Variants in SUCLG2 observed in about 807,000 individuals in gnomAD.
SUCLG2 encodes the protein succinate--CoA ligase [GDP-forming] subunit beta, mitochondrial.
A neutral mutation model predicts 47.9 loss-of-function variants in SUCLG2; 42 were observed. The observed-to-expected ratio is 0.88, with a 90% CI of 0.69 to 1.14. The LOEUF (loss-of-function observed/expected upper bound fraction) is 1.14. SUCLG2 is among the 50% of genes most tolerant of loss of function. The pLI, the probability that SUCLG2 is intolerant of heterozygous loss-of-function variation, is 0.00. For synonymous variants in SUCLG2, 195 were observed against 197.3 expected, an observed-to-expected ratio of 0.99 and a Z score of 0.10; for missense variants, 571 against 525.9, an observed-to-expected ratio of 1.09 and a Z score of -0.84.
intron 6 of SUCLG2, among the ~76,000 whole-genome samples, chr3:67,509,155 T>C (rs557607044): frequency 9.6e-4 from 146 of 152,354 alleles, no homozygotes; most frequent in Admixed American, 1.4e-3. Context: ...GCCTAAAACG[T>C]TGTTAATCTT....
chr3:67,414,384 G>A (rs1276762376), intron 9 of SUCLG2, among the ~76,000 whole-genome samples: 1 of 152,152 alleles, frequency 6.6e-6, no homozygotes, highest in Non-Finnish European at 1.5e-5. Flanking sequence ...TGATGTTGGG[G>A]GTACTTCTTA....
In SUCLG2 at chr3:67,388,934, A is replaced by G. The variant is rs571358418; in HGVS notation, c.1183+11797T>C. Among the ~76,000 whole-genome samples, 5 of 152,306 alleles carry G rather than the reference A, an allele frequency of 3.3e-5. 1 individual carries two copies. Among genetic ancestry groups the G allele is most frequent in the African/African-American group, 1.2e-4 (5 of 41,558 alleles). On this transcript the variant is annotated intron_variant, in intron 10 of 10. Coordinates refer to ENST00000307227, the MANE Select transcript of SUCLG2 (RefSeq NM_003848.4). The stretch of plus-strand genomic sequence containing the variant: ...GTAGAGGATCAGAAGTCAGTCATCA[A>G]GTAAGTCATCATCCATACCTGAGAG...
chr3:67,438,681 A>C (rs1703683784), intron 9 of SUCLG2, among the ~76,000 whole-genome samples: 1 of 152,204 alleles, frequency 6.6e-6, no homozygotes, highest in African/African-American at 2.4e-5. Flanking sequence ...CCCAAGACTA[A>C]AGCAGGAAGA....
At chr3:67,361,294 A>G (rs1242330163) in intron 10 of SUCLG2, among the ~76,000 whole-genome samples, 1 of 152,228 alleles carries the variant, frequency 6.6e-6, no homozygotes, top group Non-Finnish European at 1.5e-5. Flanking sequence ...TCAAAGGAGT[A>G]GTTGACAGCT....
intron 1 of SUCLG2, among the ~76,000 whole-genome samples, chr3:67,635,922 T>C (rs1489609978): frequency 2.0e-5 from 3 of 152,182 alleles, no homozygotes; most frequent in African/African-American, 7.2e-5. Flanking sequence ...TTGTTTTATA[T>C]TTTCTCCAAA....
chr3:67,599,732 A>G (rs958203569), intron 2 of SUCLG2, among the ~76,000 whole-genome samples: 4 of 152,182 alleles, frequency 2.6e-5, no homozygotes, highest in African/African-American at 9.6e-5. Flanking sequence ...AAAAAAAAAA[A>G]AACTCTAATA....
chr3:67,592,301 T>C (rs180752521), intron 2 of SUCLG2, among the ~76,000 whole-genome samples: 1 of 152,324 alleles, frequency 6.6e-6, no homozygotes, highest in African/African-American at 2.4e-5. Flanking sequence ...GTGTTCATCA[T>C]TATCACATTC....
chr3:67,606,640 G>C (rs1217273447), intron 2 of SUCLG2, among the ~76,000 whole-genome samples: 1 of 152,080 alleles, frequency 6.6e-6, no homozygotes, highest in Non-Finnish European at 1.5e-5. Context: ...TCTCATCCAG[G>C]TTTAGATCTT....
chr3:67,634,810 G>C (rs1700981424), intron 1 of SUCLG2, among the ~76,000 whole-genome samples: 1 of 152,178 alleles, frequency 6.6e-6, no homozygotes, highest in African/African-American at 2.4e-5. Flanking sequence ...CTGAAACTCA[G>C]TGCAGACAAT....
At chr3:67,458,054 G>C (rs1704232949) in intron 9 of SUCLG2, among the ~76,000 whole-genome samples, 1 of 152,098 alleles carries the variant, frequency 6.6e-6, no homozygotes, top group African/African-American at 2.4e-5. Flanking sequence ...TTACTTTGCT[G>C]AAGGGGCCCT....
intron 9 of SUCLG2, among the ~76,000 whole-genome samples, chr3:67,486,726 C>A (rs187233785): frequency 2.6e-4 from 40 of 152,226 alleles, no homozygotes; most frequent in Non-Finnish European, 4.0e-4. Context: ...TGGGGGCCAA[C>A]AGTGAAATCA....
intron 9 of SUCLG2, among the ~76,000 whole-genome samples, chr3:67,443,983 G>C (rs1260542362): frequency 1.5e-4 from 18 of 118,406 alleles, no homozygotes; most frequent in East Asian, 1.4e-3. Context: ...CCCCCCGCCC[G>C]GCCAGCCGCC....
At chr3:67,422,501 A>AAAAAAAAAAAAAAAAAAAAAAG (rs1703189796) in intron 9 of SUCLG2, among the ~76,000 whole-genome samples, 2 of 146,138 alleles carry the variant, frequency 1.4e-5, no homozygotes, top group Non-Finnish European at 3.1e-5. Flanking sequence ...AAAAAAAAAA[A>AAAAAAAAAAAAAAAAAAAAAAG]AAGAACATTC....
chr3:67,467,478 C>T (rs1704502814), intron 9 of SUCLG2, among the ~76,000 whole-genome samples: 1 of 152,120 alleles, frequency 6.6e-6, no homozygotes, highest in Non-Finnish European at 1.5e-5. Context: ...AATGTAAAGG[C>T]CTGCAATGAC....
In SUCLG2 at chr3:67,585,112, A is replaced by G. The variant is rs1290046429; in HGVS notation, c.226+24343T>C. On this transcript the variant is annotated intron_variant, in intron 2 of 10. Transcript: ENST00000307227. ...GTCAGAAAATTAAAAATAAATCAAT[A>G]AATAAAACCATTGCAAAAGCCAGCA... Among the ~76,000 whole-genome samples the G allele has an allele frequency of 3.9e-5, 6 of 152,314 alleles. No individual in the cohort carries two copies. In the East Asian group the frequency reaches 7.7e-4, roughly 20 times the overall value.
intron 2 of SUCLG2, among the ~76,000 whole-genome samples, chr3:67,535,853 A>G (rs1706527348): frequency 6.6e-6 from 1 of 152,204 alleles, no homozygotes; most frequent in African/African-American, 2.4e-5. Context: ...CTCCTCTTTT[A>G]GTCAACTCAA....
At chr3:67,641,813 T>C (rs1040437454) in intron 1 of SUCLG2, among the ~76,000 whole-genome samples, 1 of 152,162 alleles carries the variant, frequency 6.6e-6, no homozygotes, top group African/African-American at 2.4e-5. Flanking sequence ...GATCAAGGTA[T>C]CAGAAGGGTT....
chr3:67,477,004 C>T (rs150913361), intron 9 of SUCLG2, among the ~76,000 whole-genome samples: 278 of 152,156 alleles, frequency 1.8e-3, no homozygotes, highest in African/African-American at 6.6e-3. Flanking sequence ...CCAGAATAAC[C>T]GTTATCTATT....
At chr3:67,396,310 A>C (rs925765820) in intron 10 of SUCLG2, among the ~76,000 whole-genome samples, 1 of 152,140 alleles carries the variant, frequency 6.6e-6, no homozygotes, top group Non-Finnish European at 1.5e-5. Flanking sequence ...GAGGAATCAA[A>C]TAGACGCAAT....
Sources: gnomAD v4.1 joint callset for allele counts (sites outside exome capture counted in the v4.1 genomes callset) on GRCh38, gnomAD v4.1.1 for gene constraint, MANE v1.5 for transcripts, NCBI Gene and HGNC (gene_info 2026-07-23, HGNC 2026-07-21) for gene names.